RNF19B: variants seen among roughly 807,000 people sequenced by gnomAD.
RNF19B encodes the protein E3 ubiquitin-protein ligase RNF19B.
RNF19B carries 23 observed loss-of-function variants against 65.5 expected under a neutral mutation model. The ratio of observed to expected loss-of-function variants is 0.35; its 90% CI spans 0.25 to 0.50. The LOEUF (loss-of-function observed/expected upper bound fraction) is 0.50. Among genes scored for constraint, RNF19B ranks in the 20% least tolerant of loss-of-function variants. The pLI is 0.98. For synonymous variants in RNF19B, 372 were observed against 379.6 expected (o/e 0.98, Z 0.23); for missense variants, 794 against 980.0 (o/e 0.81, Z 2.53).
At chr1:32,941,966 G>A (rs545262721) in intron 7 of RNF19B, among the ~76,000 whole-genome samples, 6 of 152,106 alleles carry the variant, frequency 3.9e-5, no homozygotes, top group East Asian at 1.9e-4. Context: ...GCGTGGTGGC[G>A]GGTGCCTGTA....
At chr1:32,939,086 C>T (rs1642173688) in intron 7 of RNF19B, among the ~76,000 whole-genome samples, 2 of 152,194 alleles carry the variant, frequency 1.3e-5, no homozygotes, top group Admixed American at 1.3e-4. Flanking sequence ...ACCAGACAAA[C>T]TTATACTCAG....
At chr1:32,938,577 A>C (rs367858908) in intron 7 of RNF19B, 49 bp from the exon 8 acceptor site, 7 of 1,583,652 alleles carry the variant, frequency 4.4e-6, no homozygotes, top group Non-Finnish European at 6.0e-6. Context: ...GGGTATTCCA[A>C]GACAGTCTGC....
intron 1 of RNF19B, among the ~76,000 whole-genome samples, chr1:32,951,241 C>T (rs1642490488): frequency 6.6e-6 from 1 of 152,054 alleles, no homozygotes; most frequent in East Asian, 1.9e-4. Flanking sequence ...TTTAAAAAAT[C>T]CAGGTTTGTG....
rs114346513 is a variant in RNF19B, at chr1:32,946,242, G to A, written c.1146+160C>T. On this transcript the variant is annotated intron_variant, in intron 4 of 8. Coordinates refer to ENST00000235150, the MANE Select transcript of RNF19B (RefSeq NM_001300826.2). ...TTAATAAGAACTTTCAGATCTCATG[G>A]GGGTTTATGAAAATCCATTTAAGAA... Among the ~76,000 whole-genome samples the A allele has an allele frequency of 7.6e-3, 1,155 of 152,190 alleles. 4 individuals are homozygous for A. The highest frequency in any genetic ancestry group is 0.017 in the Middle Eastern group (5 of 294).
At chr1:32,960,364 A>C (rs1420496605) in intron 1 of RNF19B, among the ~76,000 whole-genome samples, 1 of 152,202 alleles carries the variant, frequency 6.6e-6, no homozygotes, top group Non-Finnish European at 1.5e-5. Flanking sequence ...ATCTGTGGGC[A>C]GTAAAGATGG....
chr1:32,960,554 T>C (rs1197859525), intron 1 of RNF19B, among the ~76,000 whole-genome samples: 3 of 152,088 alleles, frequency 2.0e-5, no homozygotes, highest in African/African-American at 4.8e-5. Context: ...GAGTACTGCT[T>C]TAGTCAAGGA....
the RNF19B span, among the ~76,000 whole-genome samples, chr1:32,930,481 C>G: frequency 2.0e-5 from 3 of 151,930 alleles, no homozygotes; most frequent in Non-Finnish European, 4.4e-5. Context: ...TCATAGTTCA[C>G]TGCAGCCTCA....
At chr1:32,938,586 G>C in intron 7 of RNF19B, 58 bp from the exon 8 acceptor site, 1 of 1,552,208 alleles carries the variant, frequency 6.4e-7, no homozygotes. Flanking sequence ...AAGACAGTCT[G>C]CTTCCTGGCA....
chr1:32,943,990 C>G (rs1364787787), intron 6 of RNF19B, 29 bp downstream of exon 6: 13 of 1,583,572 alleles, frequency 8.2e-6, no homozygotes, highest in Non-Finnish European at 1.1e-5. Context: ...ATCATAAATT[C>G]AAATGGAAAT....
Position 32,958,798 on chromosome 1 carries a change from A to G in RNF19B, c.635+5253T>C, listed in dbSNP as rs116584786. 4.4e-3 allele frequency among the ~76,000 whole-genome samples: 675 copies of G among 152,296 alleles called. 6 individuals carry two copies. Among genetic ancestry groups the G allele is most frequent in the African/African-American group, 0.015 (640 of 41,556 alleles). ...GATCAAATAAGTTCTCAAAGACATA[A>G]TAAGAACTCATCTTATAGGTTAGGT... On this transcript the variant is annotated intron_variant, in intron 1 of 8. Transcript: ENST00000235150.
At chr1:32,950,891 A>C (rs1186475581) in intron 1 of RNF19B, among the ~76,000 whole-genome samples, 1 of 142,662 alleles carries the variant, frequency 7.0e-6, no homozygotes, top group Non-Finnish European at 1.5e-5. Flanking sequence ...GCCAGGCTGG[A>C]GTGCAGTGGC....
chr1:32,964,016 G>A lies in RNF19B; in HGVS notation c.635+35C>T. 7.1e-7 allele frequency: 1 copy of A among 1,408,444 alleles called. No individual in the cohort carries two copies. Among genetic ancestry groups the A allele is most frequent in the Non-Finnish European group, 9.2e-7 (1 of 1,086,976 alleles). 87.2% of individuals were successfully genotyped at this position (1,408,444 alleles called of 1,614,324 possible). On this transcript the variant is annotated intron_variant, in intron 1 of 8. Transcript: ENST00000235150. The surrounding 1 kb of genome is among the most constrained non-coding windows in gnomAD (Gnocchi z 6.5). ...CCCCCAGCCACGCCCCTCGGCTGCA[G>A]CCCGCCGCCACCCGCGCCACGCCCC...
At chr1:32,953,399 T>C (rs1407971696) in intron 1 of RNF19B, among the ~76,000 whole-genome samples, 1 of 152,156 alleles carries the variant, frequency 6.6e-6, no homozygotes, top group East Asian at 1.9e-4. Context: ...AAAAAGCTAA[T>C]AACATTTTCT....
intron 1 of RNF19B, among the ~76,000 whole-genome samples, chr1:32,961,636 A>G (rs1416941628): frequency 6.6e-6 from 1 of 152,152 alleles, no homozygotes; most frequent in African/African-American, 2.4e-5. Flanking sequence ...CACATATAAA[A>G]AAATACATTG....
At chr1:32,944,389 C>T (rs1221916852) in intron 5 of RNF19B, among the ~76,000 whole-genome samples, 2 of 152,194 alleles carry the variant, frequency 1.3e-5, no homozygotes, top group East Asian at 3.8e-4. Context: ...GACCTATCTT[C>T]CCAGGGTTGT....
chr1:32,942,160 A>G, intron 7 of RNF19B, 92 bp downstream of exon 7: 1 of 994,152 alleles, frequency 1.0e-6, no homozygotes, highest in Non-Finnish European at 1.5e-6. Context: ...AAATAAGATG[A>G]TACGTGGCAC....
Position 32,937,037 on chromosome 1 carries a change from G to A in RNF19B, c.1965C>T (p.Ser655=). The A allele has an allele frequency of 6.2e-7, 1 of 1,614,208 alleles. No individual in the cohort carries two copies. The stretch of plus-strand genomic sequence containing the variant: ...TGCGGATGCTTTCAGGCTGGGCCAG[G>A]CTGATGTCCCAAGGTTTGCTGGCCA... ...DCLASKPWDI[S]LAQPESIRSD... is the part of the protein sequence containing the mutation. Residue 655 remains serine, a synonymous_variant, in exon 9 of 9, where the codon AGC becomes AGT. Coordinates refer to ENST00000235150, the MANE Select transcript of RNF19B (RefSeq NM_001300826.2).
At position 32,946,903 on chromosome 1, in the gene RNF19B, A is replaced by T. The variant is rs1002451161; in HGVS notation, c.984-339T>A. On this transcript the variant is annotated intron_variant, in intron 3 of 8. Transcript: ENST00000235150. ...TGCTGCATAGCCTTATGCACTTGAC[A>T]TCCCATCCAGACACACTGCACCCTG... Among the ~76,000 whole-genome samples, 7 of 152,328 alleles carry T rather than the reference A, an allele frequency of 4.6e-5. No homozygotes were observed. In the East Asian group the frequency reaches 1.3e-3, roughly 29 times the overall value.
At chr1:32,952,890 G>A (rs1642541448) in intron 1 of RNF19B, among the ~76,000 whole-genome samples, 1 of 151,736 alleles carries the variant, frequency 6.6e-6, no homozygotes, top group South Asian at 2.1e-4. Flanking sequence ...TCCAGCCTGG[G>A]TGACAGAGTG....
Sources: gnomAD v4.1 joint callset for allele counts (sites outside exome capture counted in the v4.1 genomes callset) on GRCh38, gnomAD v4.1.1 for gene constraint, Gnocchi (gnomAD v3.1) non-coding constraint, MANE v1.5 for transcripts, NCBI Gene and HGNC (gene_info 2026-07-23, HGNC 2026-07-21) for gene names.